Variants in MYO15B observed in about 807,000 individuals in gnomAD.
The protein encoded by MYO15B is myosin XVB pseudogene.
MYO15B carries 207 observed loss-of-function variants against 119.3 expected under a neutral mutation model. The observed-to-expected ratio is 1.73, with a 90% CI of 1.55 to 1.95. The LOEUF is 1.95. Ranked by LOEUF, MYO15B falls within the 30% of genes most tolerant of loss-of-function variation. The pLI is 0.00. For synonymous variants in MYO15B, 966 were observed against 498.9 expected (o/e 1.94, Z -12.48); for missense variants, 2,264 against 1,203.1 (o/e 1.88, Z -13.04).
intron 15 of MYO15B, 75 bp from the exon 16 acceptor site, chr17:75,602,442 A>G: frequency 1.4e-6 from 1 of 702,638 alleles, no homozygotes; most frequent in African/African-American, 1.7e-5. Context: ...TCTCCTCCAT[A>G]TCCAGCCTCC....
chr17:75,616,938 A>G, exon 40 of MYO15B: 1 of 702,920 alleles, frequency 1.4e-6, no homozygotes, highest in Non-Finnish European at 2.6e-6. Flanking sequence ...GCTGGGTATC[A>G]ACGGTGCCCA....
At chr17:75,612,010 C>T (rs1056897437) in exon 25 of MYO15B, 9 of 702,892 alleles carry the variant, frequency 1.3e-5, no homozygotes, top group Non-Finnish European at 2.1e-5. Flanking sequence ...TCGCCATCGG[C>T]TTTCAGGTGG....
chr17:75,610,409 C>T (rs577274224), intron 22 of MYO15B, 150 bp downstream of exon 22: 13 of 534,982 alleles, frequency 2.4e-5, no homozygotes, highest in African/African-American at 7.7e-5. Flanking sequence ...CATCCCTTTT[C>T]CCTCCGGCCG....
exon 34 of MYO15B, chr17:75,615,240 T>G (rs1233633301): frequency 2.8e-6 from 2 of 701,816 alleles, no homozygotes; most frequent in Admixed American, 4.0e-5. Flanking sequence ...GTTCCCTCAG[T>G]GTACCCAGGA....
rs543640348 is a variant in MYO15B, at chr17:75,588,405, CGGA to C, written c.353_355del (p.Gly118del). ...GGCGCCTGGAGGAGGGAAGCCTCTC[CGGA>C]GGAGAAGAGCTGGGCGGCCGCCGTA... On this transcript the variant is annotated inframe_deletion, in exon 1 of 64. Transcript: ENST00000645453. 21 of 398,542 alleles carry C rather than the reference CGGA, an allele frequency of 5.3e-5. No individual in the cohort carries two copies. The South Asian group carries it at 1.9e-3, about 36-fold the overall frequency. The allele number at this position is 398,542 out of a possible 1,614,324, so 24.7% of individuals were successfully genotyped here.
chr17:75,613,183 G>A, exon 27 of MYO15B: 1 of 700,130 alleles, frequency 1.4e-6, no homozygotes, highest in Non-Finnish European at 2.6e-6. Flanking sequence ...TTCCCCCACT[G>A]CCTGTCCTAC....
At chr17:75,625,408 T>G (rs767601117) in intron 60 of MYO15B, 119 bp from the exon 61 acceptor site, 7 of 657,378 alleles carry the variant, frequency 1.1e-5, no homozygotes, top group Non-Finnish European at 1.7e-5. Flanking sequence ...CCTCACCTCA[T>G]TCATGTGTAT....
At chr17:75,625,748 C>T in intron 61 of MYO15B, 88 bp downstream of exon 61, 3 of 701,106 alleles carry the variant, frequency 4.3e-6, no homozygotes, top group Non-Finnish European at 7.8e-6. Flanking sequence ...GGGTCTGCGC[C>T]TGCCCTGTCC....
exon 9 of MYO15B, chr17:75,592,793 C>T: frequency 1.4e-6 from 1 of 702,806 alleles, no homozygotes; most frequent in Non-Finnish European, 2.6e-6. Flanking sequence ...CTGGGCTGTG[C>T]TGGCCGCCAT....
At chr17:75,610,835 C>T in intron 22 of MYO15B, 65 bp from the exon 23 acceptor site, 1 of 702,138 alleles carries the variant, frequency 1.4e-6, no homozygotes, top group Non-Finnish European at 2.6e-6. Flanking sequence ...AACTTCAGAG[C>T]TGGGGAGGTG....
chr17:75,596,336 G>A, intron 12 of MYO15B, 124 bp from the exon 13 acceptor site: 1 of 626,968 alleles, frequency 1.6e-6, no homozygotes. Flanking sequence ...ACTTGACCCT[G>A]TTGGCTACAC....
At chr17:75,621,437 C>T (rs2058704153) in intron 51 of MYO15B, 29 bp downstream of exon 51, 1 of 698,914 alleles carries the variant, frequency 1.4e-6, no homozygotes, top group Non-Finnish European at 2.6e-6. Flanking sequence ...GGGGTCTGGC[C>T]CGTAGATCTG....
exon 8 of MYO15B, chr17:75,592,492 G>A (rs775814579): frequency 1.8e-5 from 11 of 608,536 alleles, no homozygotes; most frequent in African/African-American, 3.7e-5. Context: ...TCCATAGAGC[G>A]GGAGCGGCTC....
exon 64 of MYO15B, chr17:75,626,451 T>C (rs752803044): frequency 1.4e-6 from 1 of 703,256 alleles, no homozygotes; most frequent in South Asian, 1.5e-5. Flanking sequence ...TAGACAGCAG[T>C]GCCTCTTGCA....
chr17:75,592,098 A>G lies in MYO15B; in HGVS notation c.2651+18A>G, dbSNP rs2056500950. Reference sequence around the variant, plus strand: ...CTACAGCAGTGAGTGGCAGGGTTGCAGGGGGCACCTACAATCACTTACCCT... The same window carrying G: ...CTACAGCAGTGAGTGGCAGGGTTGCGGGGGGCACCTACAATCACTTACCCT... On this transcript the variant is annotated intron_variant, in intron 6 of 63. Transcript: ENST00000645453. The G allele has an allele frequency of 1.4e-6, 1 of 702,564 alleles. No homozygotes were observed. Among genetic ancestry groups the G allele is most frequent in the Non-Finnish European group, 2.6e-6 (1 of 384,914 alleles). The allele number at this position is 702,564 out of a possible 1,614,324, so 43.5% of individuals were successfully genotyped here. A position where few individuals can be genotyped will look rare whatever the true frequency, so the allele number is the denominator to read the frequency against.
Position 75,625,186 on chromosome 17 carries a change from A to C in MYO15B, c.8752A>C (p.Arg2918=), listed in dbSNP as rs566197036. Residue 2918 remains arginine, a synonymous_variant, in exon 60 of 64, where the codon AGG becomes CGG. Transcript: ENST00000645453. ...CGCCAAGGCAGACGCGCAGCTCGCC[A>C]GGCTGGCCGCCCTGCAGCACCTCAG... 68 of 702,628 alleles carry C rather than the reference A, an allele frequency of 9.7e-5. No individual in the cohort carries two copies. In the African/African-American group the frequency reaches 1.0e-3, roughly 10 times the overall value. 43.5% of individuals were successfully genotyped at this position (702,628 alleles called of 1,614,324 possible).
Position 75,611,822 on chromosome 17 carries a change from G to A in MYO15B, c.4505-64G>A, listed in dbSNP as rs1465447552. The A allele has an allele frequency of 1.3e-5, 9 of 697,792 alleles. No individual in the cohort carries two copies. The East Asian group carries it at 2.1e-4, about 17-fold the overall frequency. 43.2% of individuals were successfully genotyped at this position (697,792 alleles called of 1,614,324 possible). A position where few individuals can be genotyped will look rare whatever the true frequency, so the allele number is the denominator to read the frequency against. ...TGATGGCTCGTGGTGAGGGATGGAG[G>A]TGGTCCCAGGGCCAGGTACCACACC... On this transcript the variant is annotated intron_variant, in intron 24 of 63. Coordinates refer to ENST00000645453, the Ensembl canonical transcript of MYO15B.
At chr17:75,595,021 G>A (rs964182809) in intron 12 of MYO15B, 49 bp downstream of exon 12, 4 of 694,580 alleles carry the variant, frequency 5.8e-6, no homozygotes, top group East Asian at 2.7e-5. Context: ...ATATAATTCC[G>A]ATGGATTTCT....
At chr17:75,622,631 CTGT>C (rs1432629382) in intron 53 of MYO15B, among the ~76,000 whole-genome samples, 5 of 152,276 alleles carry the variant, frequency 3.3e-5, no homozygotes, top group African/African-American at 9.6e-5. Context: ...GGTCACTCGG[CTGT>C]TGTTTGAGAT....
Sources: gnomAD v4.1 joint callset for allele counts (sites outside exome capture counted in the v4.1 genomes callset) on GRCh38, gnomAD v4.1.1 for gene constraint, MANE v1.5 for transcripts, NCBI Gene and HGNC (gene_info 2026-07-23, HGNC 2026-07-21) for gene names.